ADGRL2: variants seen among roughly 807,000 people sequenced by gnomAD.
ADGRL2 encodes calcium-independent alpha-latrotoxin receptor 2.
Under a neutral mutation model 157.4 loss-of-function variants are expected in ADGRL2, and 44 were observed. The ratio of observed to expected loss-of-function variants is 0.28; its 90% CI spans 0.22 to 0.36. ADGRL2 has a LOEUF of 0.36. Ranked by LOEUF, ADGRL2 falls within the 10% of genes least tolerant of loss-of-function variation. The pLI, the probability that ADGRL2 is intolerant of heterozygous loss-of-function variation, is 1.00. For synonymous variants in ADGRL2, 585 were observed against 624.7 expected (o/e 0.94, Z 0.95); for missense variants, 1,510 against 1,768.9 (o/e 0.85, Z 2.63).
At chr1:81,607,152 A>G (rs1343462583) in intron 3 of ADGRL2, among the ~76,000 whole-genome samples, 9 of 152,176 alleles carry the variant, frequency 5.9e-5, no homozygotes, top group Non-Finnish European at 2.9e-5. Context: ...ATGAGTTACT[A>G]TGACTGTTAG....
chr1:81,933,184 T>C (rs1158670949), intron 3 of ADGRL2, among the ~76,000 whole-genome samples: 1 of 152,246 alleles, frequency 6.6e-6, no homozygotes, highest in Non-Finnish European at 1.5e-5. Flanking sequence ...TCTGCTTCTT[T>C]ATGATGAACC....
intron 1 of ADGRL2, among the ~76,000 whole-genome samples, chr1:81,384,848 A>C (rs1475052435): frequency 6.6e-6 from 1 of 152,182 alleles, no homozygotes; most frequent in Admixed American, 6.5e-5. Context: ...CCAAGTTATC[A>C]ATTTTATCCA....
chr1:81,509,620 A>G (rs2079039803), intron 2 of ADGRL2, among the ~76,000 whole-genome samples: 1 of 152,214 alleles, frequency 6.6e-6, no homozygotes, highest in Non-Finnish European at 1.5e-5. Context: ...GAAACTGTTA[A>G]AAACATGAAT....
At chr1:81,801,811 C>T (rs1446537420) in intron 1 of ADGRL2, among the ~76,000 whole-genome samples, 2 of 152,218 alleles carry the variant, frequency 1.3e-5, no homozygotes, top group African/African-American at 2.4e-5. Flanking sequence ...TTCGAAGGGA[C>T]TCCCAAGTCT....
At chr1:81,869,501 A>G (rs1571805939) in intron 2 of ADGRL2, among the ~76,000 whole-genome samples, 2 of 152,102 alleles carry the variant, frequency 1.3e-5, no homozygotes, top group Non-Finnish European at 2.9e-5. Flanking sequence ...GTATTAGATC[A>G]CCATGTATAA....
chr1:81,583,740 A>G (rs2080966175), intron 3 of ADGRL2, among the ~76,000 whole-genome samples: 1 of 152,160 alleles, frequency 6.6e-6, no homozygotes, highest in Non-Finnish European at 1.5e-5. Flanking sequence ...TATTTAGATT[A>G]AAGGAACTAG....
intron 2 of ADGRL2, among the ~76,000 whole-genome samples, chr1:81,577,034 T>A (rs891011037): frequency 3.3e-5 from 5 of 152,158 alleles, no homozygotes; most frequent in Non-Finnish European, 7.3e-5. Context: ...CTCCTGAGAA[T>A]CCTTCCACGT....
At position 81,907,234 on chromosome 1, in the gene ADGRL2, A is replaced by G. The variant is rs2094601336; in HGVS notation, c.287+4A>G. The stretch of plus-strand genomic sequence containing the variant: ...CCTTCAAAATTATGACTCAAAGGTA[A>G]ATATTCATGTGTTAATGTCCCATTT... On this transcript the variant is annotated splice_donor_region_variant and intron_variant, in intron 3 of 23. Transcript: ENST00000686636. 2.5e-6 allele frequency: 4 copies of G among 1,609,540 alleles called. No homozygotes were observed. The highest frequency in any genetic ancestry group is 1.6e-4 in the Middle Eastern group (1 of 6,074).
chr1:81,331,323 T>C (rs1661250194), intron 1 of ADGRL2, among the ~76,000 whole-genome samples: 2 of 152,162 alleles, frequency 1.3e-5, no homozygotes, highest in Non-Finnish European at 1.5e-5. Flanking sequence ...TACTTCATGT[T>C]ATTACTTAGG....
intron 2 of ADGRL2, among the ~76,000 whole-genome samples, chr1:81,844,490 G>A (rs2092712224): frequency 6.6e-6 from 1 of 152,170 alleles, no homozygotes; most frequent in Non-Finnish European, 1.5e-5. Context: ...AGAACATGCT[G>A]TGTCTCAAAA....
At chr1:81,952,943 G>GATAAAAATCTAAC in intron 9 of ADGRL2, 44 bp from the exon 10 acceptor site, 1 of 1,476,850 alleles carries the variant, frequency 6.8e-7, no homozygotes, top group African/African-American at 1.4e-5. Flanking sequence ...ATTTTCAGCA[G>GATAAAAATCTAAC]ATAAAAATCT....
intron 2 of ADGRL2, among the ~76,000 whole-genome samples, chr1:81,479,928 C>T (rs1224158514): frequency 2.0e-5 from 3 of 152,108 alleles, no homozygotes; most frequent in Non-Finnish European, 2.9e-5. Flanking sequence ...CAAAATGATA[C>T]CTTAAGTTGC....
chr1:81,782,475 T>C (rs1216010888), intron 2 of ADGRL2, among the ~76,000 whole-genome samples: 1 of 152,220 alleles, frequency 6.6e-6, no homozygotes, highest in Non-Finnish European at 1.5e-5. Context: ...ATTTCCTGCA[T>C]TAGAACCTAG....
intron 4 of ADGRL2, 30 bp from the exon 5 acceptor site, chr1:81,942,004 T>G (rs1648176416): frequency 1.3e-6 from 1 of 767,524 alleles, no homozygotes; most frequent in Admixed American, 1.7e-5. Flanking sequence ...GCACCTTTTT[T>G]ATTTTTCTTC....
chr1:81,595,584 G>A (rs1041499242), intron 3 of ADGRL2, among the ~76,000 whole-genome samples: 2 of 152,142 alleles, frequency 1.3e-5, no homozygotes, highest in African/African-American at 4.8e-5. Flanking sequence ...ATTCAGTACT[G>A]GGGCAAATGT....
At chr1:81,477,762 A>G (rs1012029521) in intron 2 of ADGRL2, among the ~76,000 whole-genome samples, 7 of 152,248 alleles carry the variant, frequency 4.6e-5, no homozygotes, top group Non-Finnish European at 1.5e-5. Flanking sequence ...TTTGGTAACG[A>G]AAAGCTAGAA....
At chr1:81,485,587 A>G (rs2078482781) in intron 2 of ADGRL2, among the ~76,000 whole-genome samples, 1 of 152,162 alleles carries the variant, frequency 6.6e-6, no homozygotes, top group Non-Finnish European at 1.5e-5. Context: ...AGATGTTTCT[A>G]GAATGCCTCA....
chr1:81,478,082 T>C (rs1557719935), intron 2 of ADGRL2, among the ~76,000 whole-genome samples: 1 of 152,154 alleles, frequency 6.6e-6, no homozygotes, highest in Admixed American at 6.5e-5. Flanking sequence ...TAATGTATTG[T>C]CTTTAAAAAA....
intron 1 of ADGRL2, among the ~76,000 whole-genome samples, chr1:81,416,893 T>G (rs1231133643): frequency 2.0e-5 from 3 of 152,196 alleles, no homozygotes; most frequent in Admixed American, 6.5e-5. Context: ...AAACAGGTTC[T>G]GAAATTAATT....
Sources: allele counts gnomAD v4.1 joint callset (sites outside exome capture counted in the v4.1 genomes callset), GRCh38; gene constraint gnomAD v4.1.1; transcripts MANE v1.5; gene names NCBI Gene and HGNC (gene_info 2026-07-23, HGNC 2026-07-21).